FRS2: variants seen among roughly 807,000 people sequenced by gnomAD.
The protein encoded by FRS2 is FGFR signalling adaptor.
A neutral mutation model predicts 43.9 loss-of-function variants in FRS2; 8 were observed. The ratio of observed to expected loss-of-function variants is 0.18; its 90% CI spans 0.11 to 0.33. The LOEUF is 0.33. Among genes scored for constraint, FRS2 ranks in the 10% least tolerant of loss-of-function variants. The pLI is 1.00. For synonymous variants in FRS2, 219 were observed against 220.3 expected, an observed-to-expected ratio of 0.99 and a Z score of 0.05; for missense variants, 534 against 627.6, an observed-to-expected ratio of 0.85 and a Z score of 1.59.
chr12:69,538,582 T>G (rs1205039121), intron 3 of FRS2, among the ~76,000 whole-genome samples: 1 of 152,080 alleles, frequency 6.6e-6, no homozygotes, highest in Non-Finnish European at 1.5e-5. Flanking sequence ...GGAGTGTGTG[T>G]GGGGGTGGTA....
chr12:69,496,680 A>G (rs1872927910), intron 1 of FRS2, among the ~76,000 whole-genome samples: 1 of 152,210 alleles, frequency 6.6e-6, no homozygotes, highest in African/African-American at 2.4e-5. Context: ...TAGTTTTATC[A>G]TTATTAGGAA....
chr12:69,554,252 C>T (rs972776903), intron 3 of FRS2, among the ~76,000 whole-genome samples: 2 of 152,078 alleles, frequency 1.3e-5, no homozygotes, highest in South Asian at 2.1e-4. Context: ...GCTATTCAAA[C>T]ACTAGAAAAC....
intron 3 of FRS2, among the ~76,000 whole-genome samples, chr12:69,543,327 T>C (rs563729279): frequency 6.6e-6 from 1 of 152,368 alleles, no homozygotes; most frequent in East Asian, 1.9e-4. Flanking sequence ...ACAAATTTTA[T>C]GAATACTTAT....
intron 8 of FRS2, among the ~76,000 whole-genome samples, chr12:69,572,575 A>G (rs1330333543): frequency 6.6e-6 from 1 of 152,158 alleles, no homozygotes; most frequent in African/African-American, 2.4e-5. Context: ...TGTCCAATGG[A>G]TTAAGAGTTT....
chr12:69,495,092 A>G (rs1056838723), intron 1 of FRS2, among the ~76,000 whole-genome samples: 1 of 152,012 alleles, frequency 6.6e-6, no homozygotes, highest in Non-Finnish European at 1.5e-5. Flanking sequence ...TTAATTCAGT[A>G]TTCCCTGGTA....
intron 3 of FRS2, among the ~76,000 whole-genome samples, chr12:69,536,101 C>CCTTTTTTTTTTTTTTTT (rs1877251782): frequency 8.1e-5 from 3 of 37,174 alleles, no homozygotes; most frequent in African/African-American, 2.7e-4. Context: ...TATTTTCATT[C>CCTTTTTTTTTTTTTTTT]TTTTTTTTTT....
chr12:69,511,994 C>T (rs554439446), intron 1 of FRS2, among the ~76,000 whole-genome samples: 5 of 152,324 alleles, frequency 3.3e-5, no homozygotes, highest in Non-Finnish European at 5.9e-5. Flanking sequence ...TGACAGCTCC[C>T]ATTGCTTTGT....
intron 3 of FRS2, among the ~76,000 whole-genome samples, chr12:69,545,322 C>T (rs1447953963): frequency 1.3e-5 from 2 of 152,080 alleles, no homozygotes; most frequent in African/African-American, 4.8e-5. Flanking sequence ...CTCTCAATAG[C>T]TAAAACAATC....
At chr12:69,509,348 C>T (rs1874247700) in intron 1 of FRS2, among the ~76,000 whole-genome samples, 1 of 152,136 alleles carries the variant, frequency 6.6e-6, no homozygotes, top group African/African-American at 2.4e-5. Context: ...TGGTTTCCAG[C>T]CCCATCCTGT....
At chr12:69,476,526 T>TA (rs1476961006) in intron 1 of FRS2, among the ~76,000 whole-genome samples, 2 of 152,186 alleles carry the variant, frequency 1.3e-5, no homozygotes, top group Admixed American at 1.3e-4. Context: ...TTTTTATTAA[T>TA]ACAGCAAGTA....
chr12:69,523,543 G>A (rs775336886), intron 1 of FRS2, among the ~76,000 whole-genome samples: 1 of 152,128 alleles, frequency 6.6e-6, no homozygotes, highest in Non-Finnish European at 1.5e-5. Context: ...GCCACTCTGT[G>A]CCTTTTAATT....
intron 3 of FRS2, among the ~76,000 whole-genome samples, chr12:69,539,892 T>C (rs976826322): frequency 1.3e-5 from 2 of 151,616 alleles, no homozygotes; most frequent in African/African-American, 4.9e-5. Context: ...GAGGTGGAGG[T>C]TGCAGTGAGC....
intron 1 of FRS2, among the ~76,000 whole-genome samples, chr12:69,522,190 T>TGTG (rs1211781925): frequency 3.7e-5 from 5 of 134,714 alleles, no homozygotes; most frequent in African/African-American, 5.7e-5. Context: ...GAAGTTTTCT[T>TGTG]TGTGTGTGTG....
chr12:69,472,978 A>G (rs947236086), intron 1 of FRS2, among the ~76,000 whole-genome samples: 3 of 152,248 alleles, frequency 2.0e-5, no homozygotes, highest in African/African-American at 7.2e-5. Context: ...TTGTGTAAAC[A>G]TTTACAACAT....
At chr12:69,513,153 T>TG (rs1349977200) in intron 1 of FRS2, among the ~76,000 whole-genome samples, 1 of 143,696 alleles carries the variant, frequency 7.0e-6, no homozygotes, top group African/African-American at 2.8e-5. Context: ...TGGAGTTTGT[T>TG]TTTTTTTTTT....
chr12:69,530,425 T>C lies in FRS2; in HGVS notation c.-260-440T>C, dbSNP rs373209591. ...AGTCTCAGCTCTGTTAATAATGTTT[T>C]TTATGAGAAGGTTGCTCAAGAAGTG... is the stretch of plus-strand genomic sequence containing the variant. On this transcript the variant is annotated intron_variant, in intron 1 of 8. Coordinates refer to ENST00000549921, the MANE Select transcript of FRS2 (RefSeq NM_001278356.2). Among the ~76,000 whole-genome samples, 50 of 152,186 alleles carry C rather than the reference T, an allele frequency of 3.3e-4. No homozygotes were observed. In the South Asian group the frequency reaches 9.3e-3, roughly 28 times the overall value.
intron 1 of FRS2, among the ~76,000 whole-genome samples, chr12:69,525,329 GGAGA>G (rs1338703929): frequency 1.3e-5 from 2 of 152,062 alleles, no homozygotes; most frequent in African/African-American, 4.8e-5. Context: ...AGGAAGGAAA[GGAGA>G]GAAAGATGAG....
intron 1 of FRS2, among the ~76,000 whole-genome samples, chr12:69,491,825 A>G (rs1055880379): frequency 2.0e-5 from 3 of 152,152 alleles, no homozygotes; most frequent in Admixed American, 1.3e-4. Flanking sequence ...TAAAATAATG[A>G]TTTAATGAAT....
chr12:69,510,269 T>C (rs1874332072), intron 1 of FRS2, among the ~76,000 whole-genome samples: 1 of 152,238 alleles, frequency 6.6e-6, no homozygotes, highest in Non-Finnish European at 1.5e-5. Flanking sequence ...GTTTCCTTTC[T>C]GTGCAACTTC....
Sources: gnomAD v4.1 joint callset for allele counts (sites outside exome capture counted in the v4.1 genomes callset) on GRCh38, gnomAD v4.1.1 for gene constraint, MANE v1.5 for transcripts, NCBI Gene and HGNC (gene_info 2026-07-23, HGNC 2026-07-21) for gene names.